Variants in TTC29 observed in about 807,000 individuals in gnomAD.
TTC29 encodes tetratricopeptide repeat domain 29.
In TTC29, 49 loss-of-function variants were observed where a neutral mutation model predicts 58.1. The observed-to-expected ratio is 0.84, with a 90% CI of 0.67 to 1.07. The LOEUF is 1.07. Ranked by LOEUF, TTC29 falls within the 50% of genes least tolerant of loss-of-function variation. The probability of loss-of-function intolerance (pLI) is 0.00; values close to 1 mark genes in which losing one functional copy is unlikely to be tolerated. For synonymous variants in TTC29, 209 were observed against 196.8 expected (o/e 1.06, Z -0.52); for missense variants, 582 against 555.6 (o/e 1.05, Z -0.48).
chr4:146,715,251 C>A (rs1002376168), intron 11 of TTC29, among the ~76,000 whole-genome samples: 2 of 152,076 alleles, frequency 1.3e-5, no homozygotes, highest in Non-Finnish European at 2.9e-5. Flanking sequence ...CCAGCAATCC[C>A]ACTGCTGGGT....
intron 8 of TTC29, among the ~76,000 whole-genome samples, chr4:146,864,050 A>G (rs969871987): frequency 6.6e-6 from 1 of 152,178 alleles, no homozygotes; most frequent in African/African-American, 2.4e-5. Flanking sequence ...CCTAGTTGGC[A>G]CATAAAATTA....
intron 4 of TTC29, among the ~76,000 whole-genome samples, chr4:146,924,946 C>T (rs1009853355): frequency 1.1e-4 from 17 of 151,922 alleles, no homozygotes; most frequent in African/African-American, 3.9e-4. Flanking sequence ...TCTAATTTGA[C>T]TTGTGATTTC....
intron 7 of TTC29, among the ~76,000 whole-genome samples, chr4:146,870,683 A>T (rs964947542): frequency 1.3e-4 from 19 of 151,994 alleles, no homozygotes; most frequent in African/African-American, 4.6e-4. Context: ...CACAGAAATG[A>T]AAAGGATTAT....
intron 6 of TTC29, among the ~76,000 whole-genome samples, chr4:146,892,120 C>A (rs1030456158): frequency 2.6e-5 from 4 of 152,086 alleles, no homozygotes; most frequent in African/African-American, 9.7e-5. Flanking sequence ...TGGGGGCAGA[C>A]TTCCCCCTTG....
At chr4:146,737,590 T>TGGGGG in intron 11 of TTC29, among the ~76,000 whole-genome samples, 1 of 94,014 alleles carries the variant, frequency 1.1e-5, no homozygotes, top group South Asian at 4.7e-4. Context: ...CTAGTAGCCC[T>TGGGGG]GGGGGGGGGG....
intron 6 of TTC29, among the ~76,000 whole-genome samples, chr4:146,890,115 A>G: frequency 6.6e-6 from 1 of 152,166 alleles, no homozygotes; most frequent in East Asian, 1.9e-4. Flanking sequence ...GCTGTCATAA[A>G]AAAGCAGCAC....
Position 146,823,729 on chromosome 4 carries a change from A to G in TTC29, c.978-3481T>C, listed in dbSNP as rs141353788. On this transcript the variant is annotated intron_variant, in intron 9 of 12. Transcript: ENST00000325106. Reference sequence around the variant, plus strand: ...TTCATGATACTGATTCTTCCTATCCATGGGGATGGAATGTTTCTCCATTTG... The same window carrying G: ...TTCATGATACTGATTCTTCCTATCCGTGGGGATGGAATGTTTCTCCATTTG... Among the ~76,000 whole-genome samples, 664 of 152,248 alleles carry G rather than the reference A, an allele frequency of 4.4e-3. 5 individuals are homozygous for G. Among genetic ancestry groups the G allele is most frequent in the African/African-American group, 0.015 (626 of 41,532 alleles).
chr4:146,868,388 C>T (rs1278346647), intron 7 of TTC29, among the ~76,000 whole-genome samples: 1 of 152,026 alleles, frequency 6.6e-6, no homozygotes, highest in Admixed American at 6.6e-5. Flanking sequence ...TTAAAAAAAG[C>T]TATTGATTAA....
At chr4:146,926,789 T>C (rs1734965019) in intron 4 of TTC29, among the ~76,000 whole-genome samples, 1 of 152,172 alleles carries the variant, frequency 6.6e-6, no homozygotes, top group Non-Finnish European at 1.5e-5. Flanking sequence ...TAAGTTTCTT[T>C]AATCCATTCT....
At chr4:146,857,144 G>T (rs189460797) in intron 8 of TTC29, among the ~76,000 whole-genome samples, 1 of 152,076 alleles carries the variant, frequency 6.6e-6, no homozygotes, top group Admixed American at 6.5e-5. Context: ...TTTAAAATTA[G>T]AAAATATTAT....
chr4:146,839,324 TA>T (rs1283208496), intron 8 of TTC29, among the ~76,000 whole-genome samples: 1 of 152,044 alleles, frequency 6.6e-6, no homozygotes, highest in African/African-American at 2.4e-5. Context: ...ATTGTATACC[TA>T]AAACTAGCTA....
intron 11 of TTC29, among the ~76,000 whole-genome samples, chr4:146,780,512 G>T (rs1038532652): frequency 1.3e-5 from 2 of 151,778 alleles, no homozygotes; most frequent in Non-Finnish European, 2.9e-5. Flanking sequence ...GTCCTGTTTG[G>T]GCAAATGAGA....
chr4:146,883,420 T>A (rs897672343), intron 6 of TTC29, among the ~76,000 whole-genome samples: 1 of 152,034 alleles, frequency 6.6e-6, no homozygotes, highest in Admixed American at 6.6e-5. Context: ...AGTTTGCAAT[T>A]TGTTGTGAAT....
chr4:146,741,132 C>A lies in TTC29; in HGVS notation c.1331-33581G>T, dbSNP rs116923569. The stretch of plus-strand genomic sequence containing the variant: ...TACTTTGCCTTAGAAATAGAAGAAT[C>A]TTTGTTTTGACATTTTGAGAAGAAG... On this transcript the variant is annotated intron_variant, in intron 11 of 12. Transcript: ENST00000325106. Among the ~76,000 whole-genome samples the A allele has an allele frequency of 4.2e-3, 639 of 152,258 alleles. 10 individuals carry two copies. The East Asian group carries it at 0.047, about 11-fold the overall frequency.
At chr4:146,728,821 A>C (rs1744054678) in intron 11 of TTC29, among the ~76,000 whole-genome samples, 1 of 117,678 alleles carries the variant, frequency 8.5e-6, no homozygotes, top group Non-Finnish European at 1.8e-5. Flanking sequence ...ATATGTGTAT[A>C]TATACATATA....
intron 10 of TTC29, among the ~76,000 whole-genome samples, chr4:146,811,859 T>C (rs1192630819): frequency 6.6e-6 from 1 of 152,210 alleles, no homozygotes; most frequent in Non-Finnish European, 1.5e-5. Context: ...CACTATCTTA[T>C]ATGCCCACAC....
rs540884169 is a variant in TTC29, at chr4:146,921,316, A to C, written c.177-12067T>G. On this transcript the variant is annotated intron_variant, in intron 4 of 12. Transcript: ENST00000325106. Reference sequence around the variant, plus strand: ...TAGAAAATTACTAGTTATAACTAAGAATATGGAATTAGTACATACAAAAGT... The same window carrying C: ...TAGAAAATTACTAGTTATAACTAAGCATATGGAATTAGTACATACAAAAGT... Among the ~76,000 whole-genome samples, 3 of 151,532 alleles carry C rather than the reference A, an allele frequency of 2.0e-5. No homozygotes were observed. The East Asian group carries it at 5.8e-4, about 29-fold the overall frequency.
At chr4:146,885,722 A>C (rs1731939071) in intron 6 of TTC29, among the ~76,000 whole-genome samples, 1 of 152,118 alleles carries the variant, frequency 6.6e-6, no homozygotes, top group Non-Finnish European at 1.5e-5. Flanking sequence ...TCTTCAATTA[A>C]AAGTAGTGGT....
intron 11 of TTC29, among the ~76,000 whole-genome samples, chr4:146,742,340 C>A (rs1206588337): frequency 6.6e-6 from 1 of 152,058 alleles, no homozygotes; most frequent in Non-Finnish European, 1.5e-5. Context: ...TTTGGAGTAG[C>A]AAAAGAACTG....
Sources: gnomAD v4.1 joint callset for allele counts (sites outside exome capture counted in the v4.1 genomes callset) on GRCh38, gnomAD v4.1.1 for gene constraint, MANE v1.5 for transcripts, NCBI Gene and HGNC (gene_info 2026-07-23, HGNC 2026-07-21) for gene names.